Variants in VCL observed in about 807,000 individuals in gnomAD.
VCL encodes the protein vinculin.
In VCL, 47 loss-of-function variants were observed where a neutral mutation model predicts 125.7. That is an observed-to-expected ratio of 0.37 (90% CI 0.30 to 0.48). The LOEUF (loss-of-function observed/expected upper bound fraction) is 0.48. Ranked by LOEUF, VCL falls within the 20% of genes least tolerant of loss-of-function variation. The probability of loss-of-function intolerance (pLI) is 0.99; values close to 1 mark genes in which losing one functional copy is unlikely to be tolerated. For synonymous variants in VCL, 458 were observed against 514.6 expected (o/e 0.89, Z 1.49); for missense variants, 1,069 against 1,455.5 (o/e 0.73, Z 4.32).
chr10:74,089,691 T>C lies in VCL; in HGVS notation c.1177-332T>C, dbSNP rs544691587. 8.5e-5 allele frequency among the ~76,000 whole-genome samples: 13 copies of C among 152,298 alleles called. No individual in the cohort carries two copies. The East Asian group carries it at 9.6e-4, about 11-fold the overall frequency. Reference sequence around the variant, plus strand: ...TCATTGTAATGTTTAGGGGTTAAAGTTTTCCGATACTGCTCTACTGTAAAA... The same window carrying C: ...TCATTGTAATGTTTAGGGGTTAAAGCTTTCCGATACTGCTCTACTGTAAAA... On this transcript the variant is annotated intron_variant, in intron 9 of 21. Coordinates refer to ENST00000211998, the MANE Select transcript of VCL (RefSeq NM_014000.3).
At chr10:74,043,637 G>A (rs1397986233) in intron 2 of VCL, among the ~76,000 whole-genome samples, 1 of 151,940 alleles carries the variant, frequency 6.6e-6, no homozygotes, top group African/African-American at 2.4e-5. Flanking sequence ...GTGAGCCACT[G>A]TACCTGGCCA....
intron 13 of VCL, among the ~76,000 whole-genome samples, chr10:74,099,444 TCCTA>T (rs140966874): frequency 0.11 from 17,217 of 152,132 alleles, 3,129 homozygotes; most frequent in African/African-American, 0.38. Context: ...TTTCTTTTGC[TCCTA>T]CCTATAGTAT....
In VCL at chr10:74,097,824, T is replaced by G. The variant is rs111436834; in HGVS notation, c.1872+492T>G. Among the ~76,000 whole-genome samples, 749 of 152,288 alleles carry G rather than the reference T, an allele frequency of 4.9e-3. 5 individuals carry two copies. Among genetic ancestry groups the G allele is most frequent in the African/African-American group, 0.017 (709 of 41,550 alleles). On this transcript the variant is annotated intron_variant, in intron 13 of 21. Coordinates refer to ENST00000211998, the MANE Select transcript of VCL (RefSeq NM_014000.3). This position sits in a 1 kb window ranked among gnomAD's most constrained non-coding sequence, Gnocchi z 4.1. ...TCAGACCCTTCCAATGACTCCCCGC[T>G]ATCCCAGAGTAAAACCAGAGTGCTA...
intron 2 of VCL, among the ~76,000 whole-genome samples, chr10:74,065,683 C>CAA (rs34028366): frequency 0.021 from 2,389 of 113,300 alleles, 77 homozygotes; most frequent in African/African-American, 0.071. Flanking sequence ...GACCCTGTCT[C>CAA]AAAAAAAAAA....
intron 18 of VCL, among the ~76,000 whole-genome samples, chr10:74,111,268 C>G (rs1425026854): frequency 6.6e-6 from 1 of 152,176 alleles, no homozygotes; most frequent in Admixed American, 6.5e-5. Flanking sequence ...TCTCTTCAGT[C>G]ACCATTGTGT....
chr10:74,053,511 A>G (rs1037045545), intron 2 of VCL, among the ~76,000 whole-genome samples: 29 of 152,058 alleles, frequency 1.9e-4, no homozygotes, highest in African/African-American at 7.0e-4. Flanking sequence ...ACAAAGATCT[A>G]TTTCATTAAA....
At chr10:74,086,502 C>T (rs564166904) in intron 8 of VCL, among the ~76,000 whole-genome samples, 28 of 152,240 alleles carry the variant, frequency 1.8e-4, no homozygotes, top group Admixed American at 5.2e-4. Flanking sequence ...TGTTCTCATT[C>T]GGAGAAATGC....
At position 74,112,046 on chromosome 10, in the gene VCL, G is replaced by C. The variant is rs747640704; in HGVS notation, c.2883G>C (p.Pro961=). 2.5e-6 allele frequency: 4 copies of C among 1,614,182 alleles called. No homozygotes were observed. The South Asian group carries it at 4.4e-5, about 18-fold the overall frequency. ...PELLLMPSNQ[P]VNQPILAAAQ... ...TGCTGTTAATGCCATCCAATCAGCC[G>C]GTCAACCAGCCCATTCTGGCCGCGG... Residue 961 remains proline (P), a synonymous_variant, in exon 19 of 22, where the codon CCG becomes CCC. Coordinates refer to ENST00000211998, the MANE Select transcript of VCL (RefSeq NM_014000.3).
At chr10:74,033,087 A>G (rs1840911794) in intron 1 of VCL, among the ~76,000 whole-genome samples, 1 of 152,270 alleles carries the variant, frequency 6.6e-6, no homozygotes, top group Admixed American at 6.5e-5. Context: ...ACTAATGTTT[A>G]TAGCAGCATT....
chr10:74,075,860 G>A (rs1216241649), intron 6 of VCL: 1 of 152,604 alleles, frequency 6.6e-6, no homozygotes, highest in East Asian at 1.9e-4. Flanking sequence ...TGCCCTGAAA[G>A]CTAATTTAAT....
Position 74,074,728 on chromosome 10 carries a change from C to A in VCL, c.623-15C>A. The stretch of plus-strand genomic sequence containing the variant: ...TTAAATTCCAAGCTTACTTTCTGAT[C>A]TTTTATTTTTACAGCTATGAAGATT... On this transcript the variant is annotated splice_polypyrimidine_tract_variant and intron_variant, in intron 5 of 21. Transcript: ENST00000211998. 1 of 1,611,296 alleles carries A rather than the reference C, an allele frequency of 6.2e-7. No individual in the cohort carries two copies. Among genetic ancestry groups the A allele is most frequent in the East Asian group, 2.2e-5 (1 of 44,842 alleles).
At chr10:74,006,760 T>G (rs1344800284) in intron 1 of VCL, among the ~76,000 whole-genome samples, 4 of 152,196 alleles carry the variant, frequency 2.6e-5, no homozygotes, top group Non-Finnish European at 5.9e-5. Context: ...GAAACATAAA[T>G]GAATTTTGTG....
In VCL at chr10:74,043,150, T is replaced by C; in HGVS notation, c.236T>C (p.Ile79Thr). The C allele has an allele frequency of 6.2e-7, 1 of 1,612,668 alleles. No individual in the cohort carries two copies. The highest frequency in any genetic ancestry group is 8.5e-7 in the Non-Finnish European group (1 of 1,178,922). The change falls in exon 2 of 22, where the codon ATT becomes ACT. Residue 79 changes from isoleucine (I) to threonine (T), a missense_variant. Physicochemically the swap from Ile to Thr is moderately conservative, Grantham distance 89 (BLOSUM62 -1). This residue lies in a region of VCL where 96 missense variants were observed against 137.6 expected (regional missense o/e 0.70). Coordinates refer to ENST00000211998, the MANE Select transcript of VCL (RefSeq NM_014000.3). ...AAGAGAGATATGCCACCAGCATTTA[T>C]TAAGTGAGTAATTGAAATATTCTTC... ...ILKRDMPPAF[I>T]KVENACTKLV...
rs776190302 is a variant in VCL at position 74,097,353 on chromosome 10, A to G, written c.1872+21A>G. On this transcript the variant is annotated intron_variant, in intron 13 of 21. Coordinates refer to ENST00000211998, the MANE Select transcript of VCL (RefSeq NM_014000.3). The surrounding 1 kb of genome is among the most constrained non-coding windows in gnomAD (Gnocchi z 4.1). The stretch of plus-strand genomic sequence containing the variant: ...AAGAGGTGGGTATCTGAGGTCTTCC[A>G]TTTTTCTGTCAGCCTGTGCTATAGG... 5.6e-6 allele frequency: 9 copies of G among 1,610,534 alleles called. No individual in the cohort carries two copies. Among genetic ancestry groups the G allele is most frequent in the South Asian group, 1.1e-5 (1 of 90,760 alleles).
At chr10:74,107,866 C>T (rs926265364) in intron 17 of VCL, among the ~76,000 whole-genome samples, 5 of 151,988 alleles carry the variant, frequency 3.3e-5, no homozygotes, top group South Asian at 2.1e-4. Context: ...CACTACCCCC[C>T]GCAAGTACTG....
At chr10:74,021,452 T>C (rs1413984942) in intron 1 of VCL, among the ~76,000 whole-genome samples, 1 of 152,176 alleles carries the variant, frequency 6.6e-6, no homozygotes, top group Non-Finnish European at 1.5e-5. Flanking sequence ...GAAGAATGAC[T>C]TAAAACTTCC....
At chr10:74,105,621 A>G (rs1374938140) in intron 16 of VCL, among the ~76,000 whole-genome samples, 1 of 152,004 alleles carries the variant, frequency 6.6e-6, no homozygotes, top group Admixed American at 6.6e-5. Flanking sequence ...CAGTGGCATG[A>G]TCTCAGCTCA....
chr10:74,052,363 T>C (rs971834024), intron 2 of VCL, among the ~76,000 whole-genome samples: 1 of 151,112 alleles, frequency 6.6e-6, no homozygotes, highest in African/African-American at 2.4e-5. Flanking sequence ...AATGATTCAA[T>C]TCTTCAGTTA....
chr10:74,109,545 G>A (rs1015858063), intron 18 of VCL, among the ~76,000 whole-genome samples: 12 of 150,784 alleles, frequency 8.0e-5, no homozygotes, highest in Admixed American at 2.0e-4. Context: ...TGTGTGGGCT[G>A]TGCTAAAGCT....
Sources: gnomAD v4.1 joint callset for allele counts (sites outside exome capture counted in the v4.1 genomes callset) on GRCh38, gnomAD v4.1.1 for gene constraint, gnomAD v4.1.1 regional missense constraint, Gnocchi (gnomAD v3.1) non-coding constraint, MANE v1.5 for transcripts, NCBI Gene and HGNC (gene_info 2026-07-23, HGNC 2026-07-21) for gene names.